Variants in NUDC observed in about 807,000 individuals in gnomAD.
The protein encoded by NUDC is nuclear distribution C, dynein complex regulator.
A neutral mutation model predicts 45.0 loss-of-function variants in NUDC; 14 were observed. The observed-to-expected ratio is 0.31, with a 90% CI of 0.21 to 0.49. The LOEUF is 0.49. NUDC is among the 20% of genes least tolerant of loss of function. The pLI, the probability that NUDC is intolerant of heterozygous loss-of-function variation, is 0.99. For missense variants in NUDC, 323 were observed against 426.2 expected, an observed-to-expected ratio of 0.76 and a Z score of 2.13; for synonymous variants, 153 against 156.7, an observed-to-expected ratio of 0.98 and a Z score of 0.17.
intron 3 of NUDC, chr1:26,911,491 G>A: frequency 2.9e-6 from 1 of 350,312 alleles, no homozygotes; most frequent in South Asian, 2.3e-5. Context: ...GGCTCCAAGT[G>A]TTTCATACCT....
chr1:26,901,605 A>G (rs1381318730), intron 1 of NUDC, among the ~76,000 whole-genome samples: 5 of 151,668 alleles, frequency 3.3e-5, no homozygotes, highest in Non-Finnish European at 5.9e-5. Context: ...GGGTTTCACC[A>G]TATTGGTCAG....
intron 3 of NUDC, among the ~76,000 whole-genome samples, chr1:26,915,921 G>A (rs2082059548): frequency 6.6e-6 from 1 of 152,162 alleles, no homozygotes; most frequent in South Asian, 2.1e-4. Context: ...AGACTCTGGA[G>A]TCAGACTGGC....
intron 3 of NUDC, chr1:26,912,199 G>C: frequency 7.8e-7 from 1 of 1,274,676 alleles, no homozygotes; most frequent in Admixed American, 2.3e-5. Context: ...TCCTTTGCTC[G>C]GCCTTTGAGG....
chr1:26,926,134 G>T (rs1434324012), intron 2 of NUDC, among the ~76,000 whole-genome samples: 3 of 152,004 alleles, frequency 2.0e-5, no homozygotes, highest in Non-Finnish European at 4.4e-5. Context: ...ATTGTGCTCA[G>T]CCTCCTGAGT....
At chr1:26,936,154 T>C (rs2082229501) in intron 2 of NUDC, among the ~76,000 whole-genome samples, 3 of 12,782 alleles carry the variant, frequency 2.3e-4, no homozygotes, top group Non-Finnish European at 5.2e-4. Flanking sequence ...TATATATATA[T>C]ATATATATAT....
intron 2 of NUDC, among the ~76,000 whole-genome samples, chr1:26,931,876 A>G (rs1243569856): frequency 1.3e-5 from 2 of 151,130 alleles, no homozygotes; most frequent in East Asian, 4.0e-4. Context: ...TAGTAGAGAC[A>G]GGGTTTCAGT....
chr1:26,925,041 T>A (rs543411447), intron 2 of NUDC, among the ~76,000 whole-genome samples: 1 of 150,294 alleles, frequency 6.7e-6, no homozygotes, highest in East Asian at 2.0e-4. Flanking sequence ...CCACCATGCC[T>A]GGCTAATTTT....
Position 26,944,373 on chromosome 1 carries a change from A to G in NUDC, c.742-1017A>G, listed in dbSNP as rs992670245. Among the ~76,000 whole-genome samples, 5 of 151,956 alleles carry G rather than the reference A, an allele frequency of 3.3e-5. No individual in the cohort carries two copies. The South Asian group carries it at 1.0e-3, about 32-fold the overall frequency. On this transcript the variant is annotated intron_variant, in intron 6 of 8. Coordinates refer to ENST00000321265, the MANE Select transcript of NUDC (RefSeq NM_006600.4). Reference sequence around the variant, plus strand: ...GCCACCCTACCTGGCTAATTTTTAAATGTTTTTTGTAAAGACAGGGTCTCA... The same window carrying G: ...GCCACCCTACCTGGCTAATTTTTAAGTGTTTTTTGTAAAGACAGGGTCTCA...
intron 2 of NUDC, among the ~76,000 whole-genome samples, chr1:26,909,933 G>A (rs982351181): frequency 2.6e-5 from 4 of 152,106 alleles, no homozygotes; most frequent in Non-Finnish European, 5.9e-5. Flanking sequence ...GGACATTGAA[G>A]TCACCAGGGG....
intron 3 of NUDC, among the ~76,000 whole-genome samples, chr1:26,916,383 C>CT (rs1176770197): frequency 6.7e-6 from 1 of 150,334 alleles, no homozygotes; most frequent in Non-Finnish European, 1.5e-5. Context: ...GAGCAAGACT[C>CT]TGTCTAAAAA....
rs144579036 is a variant in NUDC at position 26,913,589 on chromosome 1, G to C, written c.93+2354G>C. ...GGCTCCTCCAGCAGAATCTTCTTGAGTATGCTGGGCACCGGGGCCTCAGCC... is the reference window on the plus strand; with the variant it reads ...GGCTCCTCCAGCAGAATCTTCTTGACTATGCTGGGCACCGGGGCCTCAGCC... On this transcript the variant is annotated intron_variant, in intron 3 of 6. Coordinates refer to the NUDC transcript ENST00000435827. 38 of 1,614,006 alleles carry C rather than the reference G, an allele frequency of 2.4e-5. No homozygotes were observed. In the African/African-American group the frequency reaches 3.9e-4, roughly 16 times the overall value.
chr1:26,911,776 T>C, intron 3 of NUDC: 1 of 1,606,794 alleles, frequency 6.2e-7, no homozygotes, highest in African/African-American at 1.3e-5. Context: ...GGGTCACCTC[T>C]GGGGATGGCC....
At chr1:26,912,582 C>T (rs910621727) in intron 3 of NUDC, among the ~76,000 whole-genome samples, 3 of 152,120 alleles carry the variant, frequency 2.0e-5, no homozygotes, top group African/African-American at 7.2e-5. Context: ...ACAAGGGACT[C>T]CTGGGGAACT....
chr1:26,904,395 C>T (rs1570706961), intron 2 of NUDC, among the ~76,000 whole-genome samples: 4 of 151,962 alleles, frequency 2.6e-5, no homozygotes, highest in South Asian at 2.1e-4. Flanking sequence ...ATCTTGAACT[C>T]CTGGCCTCAA....
At position 26,936,761 on chromosome 1, in the gene NUDC, G is replaced by A. The variant is rs190481029; in HGVS notation, c.160-4696G>A. ...AAGTTTCCCACAATCTGGATTTTGC[G>A]TATTGCATCCTAAGAATGGTTTTTA... On this transcript the variant is annotated intron_variant, in intron 2 of 8. Coordinates refer to ENST00000321265, the MANE Select transcript of NUDC (RefSeq NM_006600.4). 3.5e-3 allele frequency among the ~76,000 whole-genome samples: 540 copies of A among 152,140 alleles called. 4 individuals carry two copies. Among genetic ancestry groups the A allele is most frequent in the African/African-American group, 0.012 (508 of 41,500 alleles).
At chr1:26,906,416 C>T (rs1171781104) in intron 2 of NUDC, among the ~76,000 whole-genome samples, 3 of 152,134 alleles carry the variant, frequency 2.0e-5, no homozygotes, top group Admixed American at 2.0e-4. Flanking sequence ...CACCACAGCA[C>T]TCCACCCTGG....
chr1:26,921,768 T>C lies in NUDC; in HGVS notation c.-81T>C, dbSNP rs1179812262. ...GCGGAAGGCGGACGACTAGAGTCGT[T>C]GGGCCCGGCGCGACCCGCAGGAGCG... On this transcript the variant is annotated 5_prime_UTR_variant, in exon 1 of 9. Transcript: ENST00000321265. The C allele has an allele frequency of 2.8e-6, 4 of 1,452,496 alleles. No individual in the cohort carries two copies. The African/African-American group carries it at 4.2e-5, about 15-fold the overall frequency. The allele number at this position is 1,452,496 out of a possible 1,614,324, so 90.0% of individuals were successfully genotyped here.
At chr1:26,927,932 T>C (rs76796588) in intron 2 of NUDC, among the ~76,000 whole-genome samples, 1,949 of 152,298 alleles carry the variant, frequency 0.013, 26 homozygotes, top group Non-Finnish European at 0.019. Context: ...TTAATATTTC[T>C]GCAGAAATAT....
intron 2 of NUDC, among the ~76,000 whole-genome samples, chr1:26,905,251 C>T (rs1313122337): frequency 6.7e-6 from 1 of 150,168 alleles, no homozygotes; most frequent in Non-Finnish European, 1.5e-5. Context: ...ACCTCCGCCT[C>T]CTGGGTTCAG....
Sources: allele counts gnomAD v4.1 joint callset (sites outside exome capture counted in the v4.1 genomes callset), GRCh38; gene constraint gnomAD v4.1.1; transcripts MANE v1.5; gene names NCBI Gene and HGNC (gene_info 2026-07-23, HGNC 2026-07-21).